CCDC171: variants seen among roughly 807,000 people sequenced by gnomAD.
CCDC171 encodes the protein coiled-coil domain-containing protein 171.
In CCDC171, 177 loss-of-function variants were observed where a neutral mutation model predicts 168.2. The observed-to-expected ratio is 1.05, with a 90% CI of 0.93 to 1.19. The LOEUF (loss-of-function observed/expected upper bound fraction) is 1.19. Among genes scored for constraint, CCDC171 ranks in the 50% most tolerant of loss-of-function variants. The pLI, the probability that CCDC171 is intolerant of heterozygous loss-of-function variation, is 0.00. For missense variants in CCDC171, 1,991 were observed against 1,539.0 expected, an observed-to-expected ratio of 1.29 and a Z score of -4.91; for synonymous variants, 687 against 540.8, an observed-to-expected ratio of 1.27 and a Z score of -3.75.
the CCDC171 span, among the ~76,000 whole-genome samples, chr9:16,105,280 G>T: frequency 6.6e-6 from 1 of 152,158 alleles, no homozygotes; most frequent in South Asian, 2.1e-4. Context: ...GAGAAGTGTG[G>T]GGAAGAAGGC....
intron 18 of CCDC171, 146 bp downstream of exon 18, chr9:15,745,777 ACT>A (rs1387784029): frequency 6.7e-6 from 3 of 448,302 alleles, no homozygotes; most frequent in Non-Finnish European, 7.8e-6. Context: ...GAGATTGTTA[ACT>A]CTGTACTTAA....
intron 4 of CCDC171, among the ~76,000 whole-genome samples, chr9:16,021,931 T>C (rs1234346309): frequency 6.6e-6 from 1 of 152,192 alleles, no homozygotes; most frequent in Non-Finnish European, 1.5e-5. Context: ...ACTTTTGCCT[T>C]TTTAAACCAC....
chr9:16,059,646 C>G (rs1833901242), intron 1 of CCDC171, among the ~76,000 whole-genome samples: 1 of 150,032 alleles, frequency 6.7e-6, no homozygotes, highest in Non-Finnish European at 1.5e-5. Flanking sequence ...TCCCGAGTAG[C>G]TGGGACTACA....
chr9:15,914,875 C>T (rs1385273412), intron 24 of CCDC171, among the ~76,000 whole-genome samples: 1 of 152,136 alleles, frequency 6.6e-6, no homozygotes, highest in Non-Finnish European at 1.5e-5. Context: ...CAGGGTCCCT[C>T]ATGGCTTCCC....
intron 1 of CCDC171, among the ~76,000 whole-genome samples, chr9:16,047,111 C>G (rs1011045028): frequency 1.3e-5 from 2 of 152,148 alleles, no homozygotes; most frequent in Non-Finnish European, 2.9e-5. Context: ...ATATTTAGTT[C>G]CTGAATTTAA....
At chr9:15,916,671 A>G (rs1166382218) in intron 24 of CCDC171, among the ~76,000 whole-genome samples, 1 of 152,048 alleles carries the variant, frequency 6.6e-6, no homozygotes, top group Non-Finnish European at 1.5e-5. Flanking sequence ...ATGGTCTTCT[A>G]GTCTTCAAGT....
At chr9:15,735,800 G>T (rs956165244) in intron 16 of CCDC171, among the ~76,000 whole-genome samples, 2 of 152,148 alleles carry the variant, frequency 1.3e-5, no homozygotes, top group Admixed American at 6.5e-5. Flanking sequence ...TTACAATCAC[G>T]TGTACACTAT....
intron 21 of CCDC171, among the ~76,000 whole-genome samples, chr9:15,827,644 C>T (rs902444794): frequency 6.6e-6 from 1 of 151,994 alleles, no homozygotes; most frequent in Non-Finnish European, 1.5e-5. Context: ...TAAAAGTTTC[C>T]ATGTATCTGA....
intron 21 of CCDC171, among the ~76,000 whole-genome samples, chr9:15,829,133 C>A (rs2136213813): frequency 6.6e-6 from 1 of 152,288 alleles, no homozygotes; most frequent in African/African-American, 2.4e-5. Context: ...CCCAAATTTC[C>A]TTTTACAGAT....
At chr9:15,602,983 T>C (rs2042972649) in intron 6 of CCDC171, among the ~76,000 whole-genome samples, 1 of 151,998 alleles carries the variant, frequency 6.6e-6, no homozygotes. Context: ...AATTTTTATT[T>C]ATTTATGTAT....
At chr9:15,600,905 G>A (rs1040129415) in intron 6 of CCDC171, among the ~76,000 whole-genome samples, 5 of 152,172 alleles carry the variant, frequency 3.3e-5, no homozygotes, top group Non-Finnish European at 7.4e-5. Flanking sequence ...AGCAGTGAGC[G>A]AGGCTCCATG....
chr9:15,754,597 C>G (rs1354416866), intron 18 of CCDC171, among the ~76,000 whole-genome samples: 1 of 152,104 alleles, frequency 6.6e-6, no homozygotes, highest in Non-Finnish European at 1.5e-5. Context: ...AATTGCTAAG[C>G]TGCTCTACAG....
chr9:15,952,328 G>C (rs1829288600), intron 25 of CCDC171, among the ~76,000 whole-genome samples: 1 of 152,080 alleles, frequency 6.6e-6, no homozygotes, highest in South Asian at 2.1e-4. Context: ...CTCCAACTTT[G>C]TTCTCCTTTT....
chr9:15,891,024 T>A (rs1470836933), intron 24 of CCDC171, among the ~76,000 whole-genome samples: 1 of 152,174 alleles, frequency 6.6e-6, no homozygotes, highest in Non-Finnish European at 1.5e-5. Flanking sequence ...TCAGGTATAT[T>A]GAAAATTGTT....
At chr9:15,698,611 G>T (rs937110213) in intron 11 of CCDC171, among the ~76,000 whole-genome samples, 1 of 151,222 alleles carries the variant, frequency 6.6e-6, no homozygotes, top group Non-Finnish European at 1.5e-5. Context: ...TTTTATTTAC[G>T]TTGCTACAAA....
chr9:15,935,679 TA>T (rs930709224), intron 25 of CCDC171, among the ~76,000 whole-genome samples: 6 of 152,018 alleles, frequency 3.9e-5, no homozygotes, highest in Admixed American at 1.3e-4. Context: ...CCCAAAGTAA[TA>T]AAAAAATGTA....
At chr9:15,901,455 G>A (rs1821655146) in intron 24 of CCDC171, among the ~76,000 whole-genome samples, 1 of 152,084 alleles carries the variant, frequency 6.6e-6, no homozygotes, top group African/African-American at 2.4e-5. Flanking sequence ...GAGCATGTAT[G>A]GGAACTCTCT....
chr9:15,611,444 G>A (rs2043686274), intron 6 of CCDC171, among the ~76,000 whole-genome samples: 1 of 152,124 alleles, frequency 6.6e-6, no homozygotes, highest in Non-Finnish European at 1.5e-5. Context: ...CCCTTGCATT[G>A]AATTAGGGAA....
At chr9:15,825,287 G>A (rs1417571471) in intron 21 of CCDC171, among the ~76,000 whole-genome samples, 1 of 152,088 alleles carries the variant, frequency 6.6e-6, no homozygotes, top group Non-Finnish European at 1.5e-5. Context: ...ATCAGACAAT[G>A]CATAGATCAA....
Sources: gnomAD v4.1 joint callset for allele counts (sites outside exome capture counted in the v4.1 genomes callset) on GRCh38, gnomAD v4.1.1 for gene constraint, MANE v1.5 for transcripts, NCBI Gene and HGNC (gene_info 2026-07-23, HGNC 2026-07-21) for gene names.